The following TRPM3 variants were observed in gnomAD, a reference collection of about 807,000 sequenced individuals.
The protein encoded by TRPM3 is transient receptor potential cation channel subfamily M member 3.
Under a neutral mutation model 181.2 loss-of-function variants are expected in TRPM3, and 77 were observed. The ratio of observed to expected loss-of-function variants is 0.42; its 90% CI spans 0.35 to 0.51. TRPM3 has a LOEUF of 0.51. TRPM3 is among the 20% of genes least tolerant of loss of function. The pLI, the probability that TRPM3 is intolerant of heterozygous loss-of-function variation, is 0.01. For synonymous variants in TRPM3, 745 were observed against 796.4 expected, an observed-to-expected ratio of 0.94 and a Z score of 1.09; for missense variants, 1,759 against 2,196.7, an observed-to-expected ratio of 0.80 and a Z score of 3.98.
intron 8 of TRPM3, among the ~76,000 whole-genome samples, chr9:70,753,915 G>T (rs962364915): frequency 2.6e-5 from 4 of 152,164 alleles, no homozygotes; most frequent in African/African-American, 9.7e-5. Flanking sequence ...GGACTCACCA[G>T]TGTGGAAGCA....
chr9:71,408,803 C>T (rs565119094), intron 1 of TRPM3, among the ~76,000 whole-genome samples: 18 of 152,122 alleles, frequency 1.2e-4, no homozygotes, highest in African/African-American at 2.9e-4. Context: ...ATGTAATTGT[C>T]AGATTCACCA....
At chr9:70,878,354 C>T (rs1267749974) in intron 1 of TRPM3, among the ~76,000 whole-genome samples, 2 of 151,948 alleles carry the variant, frequency 1.3e-5, no homozygotes, top group Non-Finnish European at 2.9e-5. Context: ...TTAGTCATTA[C>T]GTGGAGAATT....
In TRPM3 at chr9:70,536,198, T is replaced by C. The variant is rs2041694233; in HGVS notation, c.4915A>G (p.Ile1639Val). Residue 1639 changes from isoleucine to valine, a missense_variant, in exon 26 of 26, where the codon ATC (isoleucine) becomes GTC (valine). Ile to Val is a conservative substitution (Grantham distance 29, BLOSUM62 3). Transcript: ENST00000677713. ...DNSERTLSNN[I>V]TVPKIERANS... ...GCGCGCTCTATCTTGGGAACAGTGATGTTGTTGGACAGGGTTCTCTCTGAG... is the reference window on the plus strand; with the variant it reads ...GCGCGCTCTATCTTGGGAACAGTGACGTTGTTGGACAGGGTTCTCTCTGAG... 1 of 1,614,200 alleles carries C rather than the reference T, an allele frequency of 6.2e-7. No homozygotes were observed. Among genetic ancestry groups the C allele is most frequent in the Non-Finnish European group, 8.5e-7 (1 of 1,180,030 alleles).
At chr9:70,993,421 A>T (rs576297704) in intron 1 of TRPM3, among the ~76,000 whole-genome samples, 143 of 152,286 alleles carry the variant, frequency 9.4e-4, no homozygotes, top group Admixed American at 2.6e-3. Flanking sequence ...GGGGGTAGCA[A>T]CAAAAAGAGG....
intron 1 of TRPM3, among the ~76,000 whole-genome samples, chr9:71,290,976 T>C (rs1478051705): frequency 1.3e-5 from 2 of 152,098 alleles, no homozygotes; most frequent in East Asian, 3.8e-4. Context: ...ATAATCAATG[T>C]AAATGAACTA....
intron 1 of TRPM3, among the ~76,000 whole-genome samples, chr9:71,027,351 G>A (rs568668129): frequency 4.6e-5 from 7 of 152,252 alleles, no homozygotes; most frequent in East Asian, 1.9e-4. Context: ...ATGAAGGAAC[G>A]TCTGCCTACA....
intron 1 of TRPM3, among the ~76,000 whole-genome samples, chr9:71,364,059 GA>G (rs2132744634): frequency 6.6e-6 from 1 of 152,034 alleles, no homozygotes; most frequent in African/African-American, 2.4e-5. Context: ...AATAAGACTG[GA>G]AAAAAGATTC....
intron 9 of TRPM3, among the ~76,000 whole-genome samples, chr9:70,649,921 T>C (rs1213562572): frequency 6.6e-6 from 1 of 152,142 alleles, no homozygotes; most frequent in Non-Finnish European, 1.5e-5. Context: ...TGCCCATTAA[T>C]GGTGAATTGG....
intron 8 of TRPM3, among the ~76,000 whole-genome samples, chr9:70,755,909 G>A (rs1297235563): frequency 6.6e-6 from 1 of 152,104 alleles, no homozygotes; most frequent in African/African-American, 2.4e-5. Flanking sequence ...TGAAGAAACT[G>A]CATTAACTAA....
At chr9:70,939,964 G>C (rs1013369026) in intron 1 of TRPM3, among the ~76,000 whole-genome samples, 2 of 152,172 alleles carry the variant, frequency 1.3e-5, no homozygotes, top group African/African-American at 4.8e-5. Flanking sequence ...AAGGTAAGAA[G>C]CTAAAGTGAG....
chr9:70,920,900 G>A (rs926133514), intron 1 of TRPM3, among the ~76,000 whole-genome samples: 2 of 151,938 alleles, frequency 1.3e-5, no homozygotes, highest in Admixed American at 1.3e-4. Context: ...TTCAAATACC[G>A]GTTGCATACT....
At chr9:70,671,444 A>G (rs2062904394) in intron 9 of TRPM3, among the ~76,000 whole-genome samples, 1 of 152,182 alleles carries the variant, frequency 6.6e-6, no homozygotes, top group Non-Finnish European at 1.5e-5. Flanking sequence ...GGTCTTGGAA[A>G]AAAAGTGTTA....
intron 1 of TRPM3, among the ~76,000 whole-genome samples, chr9:70,972,106 A>C (rs1233329529): frequency 1.3e-5 from 2 of 152,158 alleles, no homozygotes; most frequent in Non-Finnish European, 2.9e-5. Flanking sequence ...AGAACTGAAA[A>C]CATATTTTCA....
intron 1 of TRPM3, among the ~76,000 whole-genome samples, chr9:71,178,042 A>C (rs1470028337): frequency 6.6e-6 from 1 of 151,874 alleles, no homozygotes; most frequent in African/African-American, 2.4e-5. Flanking sequence ...ATTCAAGCTT[A>C]GTAGGTTTTA....
intron 25 of TRPM3, among the ~76,000 whole-genome samples, chr9:70,541,556 G>A (rs1455464479): frequency 6.9e-6 from 1 of 144,528 alleles, no homozygotes; most frequent in Non-Finnish European, 1.5e-5. Context: ...TTGTTGCCCA[G>A]GCTGGAGTGG....
At position 70,894,507 on chromosome 9, in the gene TRPM3, A is replaced by G. The variant is rs1425577557; in HGVS notation, c.178-29996T>C. Among the ~76,000 whole-genome samples, 6 of 152,272 alleles carry G rather than the reference A, an allele frequency of 3.9e-5. No homozygotes were observed. In the East Asian group the frequency reaches 1.2e-3, roughly 29 times the overall value. On this transcript the variant is annotated intron_variant, in intron 1 of 25. Transcript: ENST00000677713. ...TGCTGTTGGTACAAAGGCCAGGGAT[A>G]TTTCTATTAAACACATGTTTCTTGA... is the stretch of plus-strand genomic sequence containing the variant.
At chr9:71,071,600 T>C (rs2062773563) in intron 1 of TRPM3, among the ~76,000 whole-genome samples, 1 of 152,218 alleles carries the variant, frequency 6.6e-6, no homozygotes, top group African/African-American at 2.4e-5. Context: ...TTGCTAAAGA[T>C]TCCTAATTAT....
intron 6 of TRPM3, chr9:70,827,625 G>A (rs2093634118): frequency 2.2e-6 from 1 of 454,312 alleles, no homozygotes; most frequent in Non-Finnish European, 3.9e-6. Context: ...TTTCACACAT[G>A]ATACATAAGC....
chr9:71,126,110 CAT>C (rs1372433411), upstream of TRPM3, among the ~76,000 whole-genome samples: 4 of 152,124 alleles, frequency 2.6e-5, no homozygotes, highest in African/African-American at 9.7e-5. Flanking sequence ...AGCCAACAAA[CAT>C]ATGGAAAAAA....
Sources: allele counts gnomAD v4.1 joint callset (sites outside exome capture counted in the v4.1 genomes callset), GRCh38; gene constraint gnomAD v4.1.1; transcripts MANE v1.5; gene names NCBI Gene and HGNC (gene_info 2026-07-23, HGNC 2026-07-21).